The following PCMT1 variants were observed in gnomAD, a reference collection of about 807,000 sequenced individuals.
The protein encoded by PCMT1 is protein-L-isoaspartate (D-aspartate) O-methyltransferase.
In PCMT1, 9 loss-of-function variants were observed where a neutral mutation model predicts 29.2. The observed-to-expected ratio is 0.31, with a 90% confidence interval of 0.19 to 0.54. The LOEUF (loss-of-function observed/expected upper bound fraction) is 0.54, where lower values mean the gene tolerates loss of function less well. Among genes scored for constraint, PCMT1 ranks in the 20% least tolerant of loss-of-function variants. The pLI, the probability that PCMT1 is intolerant of heterozygous loss-of-function variation, is 0.95. For missense variants in PCMT1, 184 were observed against 282.2 expected, an observed-to-expected ratio of 0.65 and a Z score of 2.49; for synonymous variants, 98 against 97.5, an observed-to-expected ratio of 1.00 and a Z score of -0.03.
intron 3 of PCMT1, among the ~76,000 whole-genome samples, 181 bp downstream of exon 3, chr6:149,773,350 AGTTTTGTTTTGTTTTGTTTT>A (rs71709110): frequency 5.3e-5 from 8 of 150,868 alleles, no homozygotes; most frequent in South Asian, 2.1e-4. Flanking sequence ...CTGTAGAAGG[AGTTTTGTTTTGTTTTGTTTT>A]GTTTTGTTTT....
At chr6:149,783,767 A>G (rs151278064) in intron 3 of PCMT1, among the ~76,000 whole-genome samples, 2,215 of 152,098 alleles carry the variant, frequency 0.015, 22 homozygotes, top group Non-Finnish European at 0.022. Flanking sequence ...ATAGCTCACT[A>G]TAACCTCAAG....
At chr6:149,755,137 G>A (rs139893917) in intron 1 of PCMT1, among the ~76,000 whole-genome samples, 1 of 152,230 alleles carries the variant, frequency 6.6e-6, no homozygotes, top group East Asian at 1.9e-4. Context: ...CGAGTGCGGT[G>A]GCTCACACCT....
At chr6:149,753,828 A>G (rs772575673) in intron 1 of PCMT1, among the ~76,000 whole-genome samples, 5 of 152,196 alleles carry the variant, frequency 3.3e-5, no homozygotes, top group Non-Finnish European at 7.3e-5. Flanking sequence ...TTATATTATA[A>G]CCACTCTTAA....
At chr6:149,797,600 GCC>G (rs1388990387) in intron 6 of PCMT1, 1 of 152,056 alleles carries the variant, frequency 6.6e-6, no homozygotes, top group Non-Finnish European at 1.5e-5. Flanking sequence ...AATTGCTTGA[GCC>G]CAAGCTGTTG....
chr6:149,774,730 C>T (rs1381679609), intron 3 of PCMT1, among the ~76,000 whole-genome samples: 3 of 116,640 alleles, frequency 2.6e-5, no homozygotes, highest in Non-Finnish European at 5.2e-5. Context: ...TTTTTTGAGA[C>T]GGACTCTCAC....
chr6:149,768,783 C>T (rs939929680), intron 1 of PCMT1, among the ~76,000 whole-genome samples: 2 of 151,960 alleles, frequency 1.3e-5, no homozygotes, highest in Non-Finnish European at 2.9e-5. Context: ...TGTGCCACCA[C>T]GCCCAGCTAA....
intron 3 of PCMT1, among the ~76,000 whole-genome samples, chr6:149,778,213 T>G (rs113449966): frequency 2.9e-3 from 431 of 150,860 alleles, no homozygotes; most frequent in Middle Eastern, 0.01. Flanking sequence ...CTTAATTTTT[T>G]TTAACATTTT....
chr6:149,793,540 CTT>C lies in PCMT1; in HGVS notation c.298-6_298-5del, dbSNP rs984645581. ...CCAATGAGCTACTGAATTGTTTTCT[CTT>C]TTCCAGGTTGGATGTACTGGAAAAG... On this transcript the variant is annotated splice_region_variant and splice_polypyrimidine_tract_variant and intron_variant, in intron 4 of 7. Transcript: ENST00000464889. The C allele has an allele frequency of 6.9e-7, 1 of 1,454,986 alleles. No homozygotes were observed. The highest frequency in any genetic ancestry group is 9.0e-7 in the Non-Finnish European group (1 of 1,105,444). 90.1% of individuals were successfully genotyped at this position (1,454,986 alleles called of 1,614,324 possible). A position where few individuals can be genotyped will look rare whatever the true frequency, so the allele number is the denominator to read the frequency against.
chr6:149,804,080 CAAAAAA>C (rs58975454), intron 7 of PCMT1, among the ~76,000 whole-genome samples: 9 of 77,508 alleles, frequency 1.2e-4, no homozygotes, highest in East Asian at 3.2e-4. Context: ...GACTCTGTCT[CAAAAAA>C]AAAAAAAAAA....
At chr6:149,806,207 T>C (rs918231983) in intron 7 of PCMT1, among the ~76,000 whole-genome samples, 1 of 152,140 alleles carries the variant, frequency 6.6e-6, no homozygotes, top group African/African-American at 2.4e-5. Flanking sequence ...ACTGCTCTCA[T>C]GGAGCTTACA....
intron 7 of PCMT1, among the ~76,000 whole-genome samples, chr6:149,805,900 C>T (rs1468647807): frequency 6.7e-6 from 1 of 148,336 alleles, no homozygotes; most frequent in Admixed American, 6.8e-5. Flanking sequence ...TACATTGTGC[C>T]ACTGTACTCT....
chr6:149,796,470 G>A lies in PCMT1; in HGVS notation c.474G>A (p.Val158=). Residue 158 remains valine, a synonymous_variant, in exon 6 of 8, where the codon GTG becomes GTA. Coordinates refer to ENST00000464889, the MANE Select transcript of PCMT1 (RefSeq NM_001360452.2). ...AEEAPYDAIH[V]GAAAPVVPQA... is the part of the protein sequence containing the mutation. ...AAGCCCCTTATGATGCCATTCATGT[G>A]GGAGCTGCAGCCCCTGTTGTACCCC... is the stretch of plus-strand genomic sequence containing the variant. 9 of 1,613,686 alleles carry A rather than the reference G, an allele frequency of 5.6e-6. No individual in the cohort carries two copies. Among genetic ancestry groups the A allele is most frequent in the Non-Finnish European group, 7.6e-6 (9 of 1,179,796 alleles).
chr6:149,808,768 C>G (rs534555958), intron 7 of PCMT1, among the ~76,000 whole-genome samples: 1 of 151,926 alleles, frequency 6.6e-6, no homozygotes, highest in East Asian at 2.0e-4. Flanking sequence ...TCCCGAATAG[C>G]TAGGATTACA....
At chr6:149,785,238 C>T (rs1339380976) in intron 3 of PCMT1, among the ~76,000 whole-genome samples, 1 of 101,570 alleles carries the variant, frequency 9.8e-6, no homozygotes, top group East Asian at 5.7e-4. Flanking sequence ...TCAGGAGGTC[C>T]ATAATGTCTG....
At chr6:149,805,305 G>A (rs1775973997) in intron 7 of PCMT1, among the ~76,000 whole-genome samples, 1 of 152,108 alleles carries the variant, frequency 6.6e-6, no homozygotes. Flanking sequence ...ATGTATACCT[G>A]CTTTTAGGCT....
chr6:149,762,533 G>GAT (rs372465246), intron 1 of PCMT1, among the ~76,000 whole-genome samples: 2 of 25,648 alleles, frequency 7.8e-5, no homozygotes, highest in South Asian at 1.8e-3. Flanking sequence ...ATATATCTAT[G>GAT]ATATATATAT....
At chr6:149,787,150 C>G (rs1401390516) in intron 3 of PCMT1, among the ~76,000 whole-genome samples, 3 of 146,658 alleles carry the variant, frequency 2.0e-5, no homozygotes, top group African/African-American at 7.8e-5. Flanking sequence ...TGGTGGCGCG[C>G]GCCTGCAATC....
intron 5 of PCMT1, among the ~76,000 whole-genome samples, chr6:149,794,002 A>G (rs564666970): frequency 1.3e-4 from 20 of 152,250 alleles, no homozygotes; most frequent in African/African-American, 4.8e-4. Flanking sequence ...TTGTCTATAT[A>G]TATAAATACA....
chr6:149,749,844 G>T lies in PCMT1; in HGVS notation c.-58G>T. On this transcript the variant is annotated 5_prime_UTR_variant, in exon 1 of 8. Transcript: ENST00000464889. ...AGGTGGTCTCACTCTTGGGAAAACT[G>T]CTGGGCACCGTCGTCGCGCTGAAGG... 1 of 1,577,400 alleles carries T rather than the reference G, an allele frequency of 6.3e-7. No individual in the cohort carries two copies. The highest frequency in any genetic ancestry group is 8.6e-7 in the Non-Finnish European group (1 of 1,161,274).
Sources: gnomAD v4.1 joint callset for allele counts (sites outside exome capture counted in the v4.1 genomes callset) on GRCh38, gnomAD v4.1.1 for gene constraint, MANE v1.5 for transcripts, NCBI Gene and HGNC (gene_info 2026-07-23, HGNC 2026-07-21) for gene names.